Variants in PREX1 observed in about 807,000 individuals in gnomAD.
PREX1 encodes the protein phosphatidylinositol-3,4,5-trisphosphate dependent Rac exchange factor 1.
PREX1 carries 41 observed loss-of-function variants against 198.3 expected under a neutral mutation model. The ratio of observed to expected loss-of-function variants is 0.21; its 90% CI spans 0.16 to 0.27. The LOEUF is 0.27. Among genes scored for constraint, PREX1 ranks in the 10% least tolerant of loss-of-function variants. PREX1 has a pLI of 1.00. For synonymous variants in PREX1, 843 were observed against 887.2 expected, an observed-to-expected ratio of 0.95 and a Z score of 0.89; for missense variants, 1,620 against 2,200.7, an observed-to-expected ratio of 0.74 and a Z score of 5.28.
chr20:48,858,044 G>A, the PREX1 span, among the ~76,000 whole-genome samples: 9 of 152,366 alleles, frequency 5.9e-5, no homozygotes, highest in East Asian at 7.7e-4. Flanking sequence ...CGATGGCAGC[G>A]GCAGGGGCCA....
intron 5 of PREX1, among the ~76,000 whole-genome samples, chr20:48,725,227 G>A (rs996892767): frequency 1.3e-5 from 2 of 152,232 alleles, no homozygotes; most frequent in African/African-American, 2.4e-5. Context: ...GCGTGAATGA[G>A]GCCCCACCAG....
At chr20:48,668,858 G>A (rs953376484) in intron 14 of PREX1, among the ~76,000 whole-genome samples, 4 of 152,156 alleles carry the variant, frequency 2.6e-5, no homozygotes, top group Admixed American at 6.5e-5. Context: ...GCCCAATGGC[G>A]GCAGGCCCTA....
chr20:48,854,324 C>T, the PREX1 span, among the ~76,000 whole-genome samples: 1 of 152,114 alleles, frequency 6.6e-6, no homozygotes, highest in Admixed American at 6.5e-5. Context: ...ATTCTTCCTC[C>T]GGGAAGCCCA....
At chr20:48,798,760 A>C (rs569418618) in intron 1 of PREX1, among the ~76,000 whole-genome samples, 1 of 152,376 alleles carries the variant, frequency 6.6e-6, no homozygotes, top group East Asian at 1.9e-4. Flanking sequence ...TAGGTGCTCA[A>C]CAAAATTCAT....
chr20:48,781,721 T>C (rs529102117), intron 1 of PREX1, among the ~76,000 whole-genome samples: 5 of 152,222 alleles, frequency 3.3e-5, no homozygotes, highest in Non-Finnish European at 7.4e-5. Flanking sequence ...GGTAAGGGAC[T>C]CCCCCTTCCT....
chr20:48,673,030 A>T (rs6019357), intron 14 of PREX1, among the ~76,000 whole-genome samples: 1,339 of 78,940 alleles, frequency 0.017, 26 homozygotes, highest in Admixed American at 0.073. Flanking sequence ...AAAAATAATT[A>T]AAAAAAAAAA....
In PREX1 at chr20:48,684,370, T is replaced by A. The variant is rs138974515; in HGVS notation, c.1335-3035A>T. Among the ~76,000 whole-genome samples the A allele has an allele frequency of 3.2e-3, 483 of 152,172 alleles. 1 individual carries two copies. Among genetic ancestry groups the A allele is most frequent in the South Asian group, 5.8e-3 (28 of 4,826 alleles). On this transcript the variant is annotated intron_variant, in intron 10 of 39. Transcript: ENST00000371941. The surrounding 1 kb of genome is among the most constrained non-coding windows in gnomAD (Gnocchi z 4.2). ...GTACCCAGTGGAATACCCATCCCTG[T>A]GACTCCACGGCTCAGGGATGCCTCC... is the stretch of plus-strand genomic sequence containing the variant.
intron 1 of PREX1, among the ~76,000 whole-genome samples, chr20:48,801,300 G>A (rs1295136541): frequency 2.0e-5 from 3 of 152,158 alleles, no homozygotes; most frequent in Non-Finnish European, 2.9e-5. Flanking sequence ...CTCATGCATC[G>A]GTGACACTGA....
chr20:48,687,599 A>C (rs1364773521), intron 10 of PREX1, among the ~76,000 whole-genome samples: 1 of 152,172 alleles, frequency 6.6e-6, no homozygotes, highest in Admixed American at 6.5e-5. Context: ...GGGGAGTTTA[A>C]GTCCTTACAT....
intron 3 of PREX1, among the ~76,000 whole-genome samples, chr20:48,735,045 C>G (rs1469355458): frequency 6.6e-6 from 1 of 152,168 alleles, no homozygotes; most frequent in Non-Finnish European, 1.5e-5. Flanking sequence ...GTTGTTATAG[C>G]TGGGGGCTAG....
At chr20:48,700,628 C>G in intron 7 of PREX1, 125 bp downstream of exon 7, 1 of 1,282,932 alleles carries the variant, frequency 7.8e-7, no homozygotes, top group Non-Finnish European at 1.1e-6. Flanking sequence ...TACTAGACAG[C>G]ACTGATGTAG....
the PREX1 span, among the ~76,000 whole-genome samples, chr20:48,882,501 C>CAAAAA: frequency 5.5e-4 from 37 of 66,852 alleles, no homozygotes; most frequent in African/African-American, 1.5e-3. Flanking sequence ...GACTCCGTCT[C>CAAAAA]AAAAAAAAAA....
chr20:48,708,498 C>T, intron 5 of PREX1, 77 bp from the exon 6 acceptor site: 3 of 1,489,370 alleles, frequency 2.0e-6, no homozygotes, highest in African/African-American at 1.4e-5. Context: ...GAGCTGAACC[C>T]AAGAAAACAG....
chr20:48,791,249 A>G (rs1276133137), intron 1 of PREX1, among the ~76,000 whole-genome samples: 1 of 152,188 alleles, frequency 6.6e-6, no homozygotes, highest in Non-Finnish European at 1.5e-5. Flanking sequence ...CTGCTGCCAG[A>G]TGGCAGAGCC....
chr20:48,759,549 CA>C (rs386393896), intron 1 of PREX1, among the ~76,000 whole-genome samples: 73 of 73,950 alleles, frequency 9.9e-4, no homozygotes, highest in South Asian at 6.1e-3. Flanking sequence ...GATTCCATCT[CA>C]AAAAAAAAAA....
intron 1 of PREX1, among the ~76,000 whole-genome samples, chr20:48,822,530 G>C (rs2090490592): frequency 2.0e-5 from 3 of 152,188 alleles, no homozygotes; most frequent in African/African-American, 4.8e-5. Flanking sequence ...GGGCTTGCAA[G>C]TATATAAATA....
intron 28 of PREX1, 60 bp downstream of exon 28, chr20:48,642,347 C>T (rs2089420992): frequency 1.9e-6 from 3 of 1,604,646 alleles, no homozygotes; most frequent in Non-Finnish European, 2.6e-6. Context: ...GGTCATGGGC[C>T]CTCCCCAGGT....
At chr20:48,784,433 T>C (rs1001537098) in intron 1 of PREX1, among the ~76,000 whole-genome samples, 2 of 152,150 alleles carry the variant, frequency 1.3e-5, no homozygotes, top group African/African-American at 2.4e-5. Flanking sequence ...ATTTTTAGGA[T>C]TGTGGTTTTC....
At chr20:48,839,319 C>T in the PREX1 span, among the ~76,000 whole-genome samples, 1 of 152,190 alleles carries the variant, frequency 6.6e-6, no homozygotes, top group Non-Finnish European at 1.5e-5. Flanking sequence ...CAACTCCTCC[C>T]ATTTCCCTCT....
Sources: gnomAD v4.1 joint callset for allele counts (sites outside exome capture counted in the v4.1 genomes callset) on GRCh38, gnomAD v4.1.1 for gene constraint, Gnocchi (gnomAD v3.1) non-coding constraint, MANE v1.5 for transcripts, NCBI Gene and HGNC (gene_info 2026-07-23, HGNC 2026-07-21) for gene names.